Variants in UNC93A observed in about 807,000 individuals in gnomAD.
UNC93A encodes the protein N-acetylglucosamine transporter UNC93A.
In UNC93A, 43 loss-of-function variants were observed where a neutral mutation model predicts 47.5. The ratio of observed to expected loss-of-function variants is 0.91; its 90% CI spans 0.71 to 1.17. The LOEUF (loss-of-function observed/expected upper bound fraction) is 1.17, where lower values mean the gene tolerates loss of function less well. Ranked by LOEUF, UNC93A falls within the 50% of genes most tolerant of loss-of-function variation. The pLI is 0.00. For synonymous variants in UNC93A, 280 were observed against 258.0 expected (o/e 1.09, Z -0.82); for missense variants, 605 against 577.6 (o/e 1.05, Z -0.49).
At chr6:167,308,643 G>T (rs1284703643) in intron 7 of UNC93A, among the ~76,000 whole-genome samples, 2 of 151,962 alleles carry the variant, frequency 1.3e-5, no homozygotes, top group Admixed American at 1.3e-4. Flanking sequence ...AGGCGGCCTG[G>T]GGGGAGTGCA....
chr6:167,297,848 T>A, intron 3 of UNC93A, 97 bp from the exon 4 acceptor site: 3 of 1,494,906 alleles, frequency 2.0e-6, no homozygotes, highest in Non-Finnish European at 2.7e-6. Context: ...CCCCCAGGTG[T>A]CCAATGTCCT....
At chr6:167,295,999 G>A (rs1011941788) in intron 2 of UNC93A, 33 bp from the exon 3 acceptor site, 1 of 1,600,568 alleles carries the variant, frequency 6.2e-7, no homozygotes, top group Admixed American at 1.7e-5. Context: ...TGCGTCTCCT[G>A]TTACAGGCTA....
chr6:167,286,861 C>T (rs1583066535), upstream of UNC93A, among the ~76,000 whole-genome samples: 1 of 151,668 alleles, frequency 6.6e-6, no homozygotes, highest in South Asian at 2.1e-4. Context: ...GCCTGTAATC[C>T]CAGCTACTCG....
chr6:167,304,342 T>G (rs900757421), intron 5 of UNC93A, among the ~76,000 whole-genome samples: 2 of 152,190 alleles, frequency 1.3e-5, no homozygotes, highest in Non-Finnish European at 2.9e-5. Flanking sequence ...CACAGGAGCT[T>G]CCACTTCTTG....
In UNC93A at chr6:167,298,027, G is replaced by A. The variant is rs1460628792; in HGVS notation, c.582G>A (p.Arg194=). ...CCACAACCACCAACAGCACCCAGAG[G>A]CCCTCCCAGCAGCTGGTCTACACCC... ...MATTTTNSTQ[R]PSQQLVYTLL... The change falls in exon 4 of 8, where the codon AGG becomes AGA. Residue 194 remains arginine (R), a synonymous_variant. Coordinates refer to ENST00000230256, the MANE Select transcript of UNC93A (RefSeq NM_018974.4). 9 of 1,613,782 alleles carry A rather than the reference G, an allele frequency of 5.6e-6. No homozygotes were observed. The highest frequency in any genetic ancestry group is 2.2e-5 in the East Asian group (1 of 44,894).
At chr6:167,304,580 C>CT (rs199580244) in intron 5 of UNC93A, among the ~76,000 whole-genome samples, 2,286 of 148,960 alleles carry the variant, frequency 0.015, 57 homozygotes, top group African/African-American at 0.048. Flanking sequence ...TTCTTTTTTT[C>CT]TTTTTTTGAG....
intron 1 of UNC93A, among the ~76,000 whole-genome samples, chr6:167,285,404 C>G (rs947840139): frequency 6.6e-6 from 1 of 151,842 alleles, no homozygotes; most frequent in Non-Finnish European, 1.5e-5. Flanking sequence ...TCATCATAAA[C>G]AGGTCAGGAC....
chr6:167,302,227 G>A (rs1232386463), intron 4 of UNC93A, among the ~76,000 whole-genome samples: 1 of 152,100 alleles, frequency 6.6e-6, no homozygotes. Context: ...TTTCAGGAAC[G>A]CTCAGCTGCC....
intron 1 of UNC93A, among the ~76,000 whole-genome samples, chr6:167,280,691 T>G (rs1028994807): frequency 1.3e-5 from 2 of 152,178 alleles, no homozygotes; most frequent in South Asian, 4.1e-4. Context: ...GGGACAGCAC[T>G]CTGTCTTATC....
At chr6:167,306,682 C>G (rs534789729) in intron 6 of UNC93A, among the ~76,000 whole-genome samples, 1 of 152,344 alleles carries the variant, frequency 6.6e-6, no homozygotes, top group South Asian at 2.1e-4. Flanking sequence ...GGCCATGGAG[C>G]CTGGAGGCTC....
Position 167,298,012 on chromosome 6 carries a change from C to T in UNC93A, c.567C>T (p.Thr189=). The T allele has an allele frequency of 6.2e-7, 1 of 1,614,122 alleles. No individual in the cohort carries two copies. Among genetic ancestry groups the T allele is most frequent in the African/African-American group, 1.3e-5 (1 of 74,994 alleles). Residue 189 remains threonine (T), a synonymous_variant, in exon 4 of 8, where the codon ACC becomes ACT. Coordinates refer to ENST00000230256, the MANE Select transcript of UNC93A (RefSeq NM_018974.4). ...ACTGCCTGATGGCCACCACAACCAC[C>T]AACAGCACCCAGAGGCCCTCCCAGC... ...ASDCLMATTT[T]NSTQRPSQQL...
chr6:167,269,787 G>C (rs1278338457), upstream of UNC93A, among the ~76,000 whole-genome samples: 1 of 151,668 alleles, frequency 6.6e-6, no homozygotes, highest in Non-Finnish European at 1.5e-5. Context: ...TTGTGTGTGT[G>C]TGTGTTTTTA....
intron 4 of UNC93A, among the ~76,000 whole-genome samples, chr6:167,302,943 A>T (rs775448257): frequency 6.6e-6 from 1 of 152,136 alleles, no homozygotes; most frequent in African/African-American, 2.4e-5. Flanking sequence ...CACCCCGCCC[A>T]GGCTGTGACC....
intron 1 of UNC93A, among the ~76,000 whole-genome samples, chr6:167,272,680 A>G (rs889889945): frequency 3.5e-4 from 54 of 152,216 alleles, no homozygotes; most frequent in African/African-American, 1.2e-3. Context: ...TGCTATTAAT[A>G]GCTTATAGGT....
chr6:167,310,584 A>C (rs564012405), intron 7 of UNC93A, among the ~76,000 whole-genome samples: 2 of 152,208 alleles, frequency 1.3e-5, no homozygotes, highest in Non-Finnish European at 2.9e-5. Context: ...ATTTTTTTCA[A>C]AAATAAACCA....
At chr6:167,308,624 C>G (rs1405078676) in intron 7 of UNC93A, among the ~76,000 whole-genome samples, 1 of 151,706 alleles carries the variant, frequency 6.6e-6, no homozygotes, top group African/African-American at 2.4e-5. Flanking sequence ...GGGGCTGGGG[C>G]CCCTAAGAAG....
intron 1 of UNC93A, among the ~76,000 whole-genome samples, chr6:167,277,230 C>T (rs1783558469): frequency 6.6e-6 from 1 of 152,204 alleles, no homozygotes; most frequent in Non-Finnish European, 1.5e-5. Flanking sequence ...TGCGCCTGTG[C>T]CCCCAGTGCT....
rs1778668321 is a variant in UNC93A at position 167,315,419 on chromosome 6, G to A, written c.1341G>A (p.Gln447=). 3 of 1,613,984 alleles carry A rather than the reference G, an allele frequency of 1.9e-6. No individual in the cohort carries two copies. The highest frequency in any genetic ancestry group is 4.5e-5 in the East Asian group (2 of 44,882). The change falls in exon 8 of 8, where the codon CAG becomes CAA. Residue 447 remains glutamine, a synonymous_variant. Transcript: ENST00000230256. ...CCCACGCTCCAGGACAGGTCAACCAGGCAGAGGATGAAGAAATACAAACAA... is the reference window on the plus strand; with the variant it reads ...CCCACGCTCCAGGACAGGTCAACCAAGCAGAGGATGAAGAAATACAAACAA... ...IRPHAPGQVN[Q]AEDEEIQTKM is the part of the protein sequence containing the mutation.
chr6:167,306,831 C>T (rs184237069), intron 6 of UNC93A, among the ~76,000 whole-genome samples: 2 of 152,306 alleles, frequency 1.3e-5, no homozygotes, highest in East Asian at 3.9e-4. Context: ...GTGGACCTGC[C>T]TTTCCGCTGA....
Sources: gnomAD v4.1 joint callset for allele counts (sites outside exome capture counted in the v4.1 genomes callset) on GRCh38, gnomAD v4.1.1 for gene constraint, MANE v1.5 for transcripts, NCBI Gene and HGNC (gene_info 2026-07-23, HGNC 2026-07-21) for gene names.